Variants in SLC20A2 observed in about 807,000 individuals in gnomAD.
The protein encoded by SLC20A2 is solute carrier family 20 member 2.
SLC20A2 carries 30 observed loss-of-function variants against 61.0 expected under a neutral mutation model. The observed-to-expected ratio is 0.49, with a 90% CI of 0.37 to 0.67. SLC20A2 has a LOEUF of 0.67. Among genes scored for constraint, SLC20A2 ranks in the 30% least tolerant of loss-of-function variants. The pLI, the probability that SLC20A2 is intolerant of heterozygous loss-of-function variation, is 0.00. For synonymous variants in SLC20A2, 351 were observed against 353.3 expected, an observed-to-expected ratio of 0.99 and a Z score of 0.07; for missense variants, 626 against 866.4, an observed-to-expected ratio of 0.72 and a Z score of 3.48.
chr8:42,447,394 T>TG (rs1464466732), intron 5 of SLC20A2, among the ~76,000 whole-genome samples: 1 of 151,146 alleles, frequency 6.6e-6, no homozygotes, highest in Non-Finnish European at 1.5e-5. Flanking sequence ...AACATACATT[T>TG]GGGCTGGGTG....
intron 1 of SLC20A2, among the ~76,000 whole-genome samples, chr8:42,537,255 G>A (rs552743248): frequency 5.3e-5 from 8 of 151,078 alleles, no homozygotes; most frequent in Admixed American, 4.0e-4. Flanking sequence ...ACAGTGGTGC[G>A]TGCCTGTAGT....
Position 42,485,977 on chromosome 8 carries a change from A to G in SLC20A2, c.-264-13323T>C, listed in dbSNP as rs183389435. ...AAAAAAAAAGAAAACTTGGGGCTAGAGAGATTGTTTCAAGGTCAGCATAGA... is the reference window on the plus strand; with the variant it reads ...AAAAAAAAAGAAAACTTGGGGCTAGGGAGATTGTTTCAAGGTCAGCATAGA... On this transcript the variant is annotated intron_variant, in intron 1 of 10. Coordinates refer to ENST00000520262, the MANE Select transcript of SLC20A2 (RefSeq NM_001257180.2). Among the ~76,000 whole-genome samples, 15 of 151,954 alleles carry G rather than the reference A, an allele frequency of 9.9e-5. No homozygotes were observed. In the East Asian group the frequency reaches 2.5e-3, roughly 25 times the overall value.
upstream of SLC20A2, chr8:42,501,365 CAAT>C (rs139918072): frequency 6.6e-6 from 1 of 152,288 alleles, no homozygotes; most frequent in African/African-American, 2.4e-5. Flanking sequence ...GAATTCAGTC[CAAT>C]AATACTAACT....
intron 1 of SLC20A2, among the ~76,000 whole-genome samples, chr8:42,495,629 G>T (rs575818948): frequency 6.6e-6 from 1 of 152,288 alleles, no homozygotes; most frequent in Non-Finnish European, 1.5e-5. Context: ...CTTATGACCA[G>T]GCAAACTACA....
chr8:42,420,212 T>G (rs1251930652), intron 10 of SLC20A2, among the ~76,000 whole-genome samples: 1 of 152,100 alleles, frequency 6.6e-6, no homozygotes, highest in Admixed American at 6.6e-5. Flanking sequence ...TGTCTCTTCA[T>G]GTATTTTGTC....
chr8:42,457,193 G>C (rs999031831), intron 5 of SLC20A2, among the ~76,000 whole-genome samples: 6 of 152,080 alleles, frequency 3.9e-5, no homozygotes, highest in Admixed American at 3.3e-4. Context: ...CTCCCAAACA[G>C]CGGGGATTAT....
At chr8:42,464,045 G>C (rs1162269287) in intron 3 of SLC20A2, among the ~76,000 whole-genome samples, 1 of 146,726 alleles carries the variant, frequency 6.8e-6, no homozygotes, top group East Asian at 2.1e-4. Flanking sequence ...ACAAGGTAGA[G>C]AGGACAGTTG....
intron 1 of SLC20A2, chr8:42,534,828 C>A (rs1471402522): frequency 6.6e-6 from 1 of 152,254 alleles, no homozygotes; most frequent in Non-Finnish European, 1.5e-5. Flanking sequence ...TGGGGACCAA[C>A]ATCCCAGTGA....
intron 1 of SLC20A2, among the ~76,000 whole-genome samples, chr8:42,540,534 T>C (rs923415558): frequency 1.3e-5 from 2 of 152,182 alleles, no homozygotes; most frequent in African/African-American, 4.8e-5. Flanking sequence ...TAAATACATA[T>C]AAATACCGTA....
intron 8 of SLC20A2, 82 bp from the exon 9 acceptor site, chr8:42,430,331 C>T: frequency 8.5e-7 from 1 of 1,181,794 alleles, no homozygotes; most frequent in Non-Finnish European, 1.2e-6. Context: ...TTTTATTGTG[C>T]TTCACTTTAT....
chr8:42,444,585 C>T (rs993904247), intron 6 of SLC20A2, 61 bp downstream of exon 6: 1 of 1,226,446 alleles, frequency 8.2e-7, no homozygotes, highest in Non-Finnish European at 1.2e-6. Flanking sequence ...TGGCATGTTA[C>T]ATGTGAGGTT....
At chr8:42,462,143 G>A (rs925902886) in intron 4 of SLC20A2, among the ~76,000 whole-genome samples, 1 of 152,094 alleles carries the variant, frequency 6.6e-6, no homozygotes, top group African/African-American at 2.4e-5. Flanking sequence ...GGGCTTGCCA[G>A]GTGAGCATGG....
At chr8:42,470,964 ACT>A (rs1807587380) in intron 2 of SLC20A2, 1 of 348,210 alleles carries the variant, frequency 2.9e-6, no homozygotes, top group South Asian at 2.2e-5. Context: ...ACAGAGCAAG[ACT>A]CTGTCTCAAA....
At chr8:42,447,678 G>T (rs534268690) in intron 5 of SLC20A2, among the ~76,000 whole-genome samples, 2 of 152,232 alleles carry the variant, frequency 1.3e-5, no homozygotes, top group South Asian at 4.1e-4. Context: ...TTCTATCTCA[G>T]AAGAAAAAAA....
At chr8:42,436,365 C>G (rs1804254370) in intron 8 of SLC20A2, among the ~76,000 whole-genome samples, 1 of 152,164 alleles carries the variant, frequency 6.6e-6, no homozygotes, top group Non-Finnish European at 1.5e-5. Flanking sequence ...TCCGTCATCC[C>G]TAACAGACAG....
chr8:42,418,002 G>A (rs1802789322), intron 10 of SLC20A2, 35 bp from the exon 11 acceptor site: 2 of 1,597,142 alleles, frequency 1.3e-6, no homozygotes, highest in Non-Finnish European at 1.7e-6. Context: ...AAAAACAGGT[G>A]AGCCACAAAG....
chr8:42,505,892 GA>G (rs199886823), upstream of SLC20A2, among the ~76,000 whole-genome samples: 4 of 142,144 alleles, frequency 2.8e-5, no homozygotes, highest in Admixed American at 1.4e-4. Flanking sequence ...CTATCTCAAA[GA>G]AAAAAAAAAG....
intron 1 of SLC20A2, among the ~76,000 whole-genome samples, chr8:42,526,654 CAGAG>C (rs766270437): frequency 1.3e-4 from 17 of 133,550 alleles, no homozygotes; most frequent in Middle Eastern, 3.8e-3. Context: ...GCCTGGGCGA[CAGAG>C]AGAGACTCTG....
chr8:42,492,872 G>A (rs937525538), intron 1 of SLC20A2, among the ~76,000 whole-genome samples: 2 of 152,046 alleles, frequency 1.3e-5, no homozygotes, highest in East Asian at 3.9e-4. Context: ...GTAGAGAGAC[G>A]GGGTTTCGCT....
Sources: gnomAD v4.1 joint callset for allele counts (sites outside exome capture counted in the v4.1 genomes callset) on GRCh38, gnomAD v4.1.1 for gene constraint, MANE v1.5 for transcripts, NCBI Gene and HGNC (gene_info 2026-07-23, HGNC 2026-07-21) for gene names.